LINGO1: variants seen among roughly 807,000 people sequenced by gnomAD.
LINGO1 encodes the protein leucine rich repeat and Ig domain containing 1.
In LINGO1, 11 loss-of-function variants were observed where a neutral mutation model predicts 37.3. The observed-to-expected ratio is 0.29, with a 90% CI of 0.19 to 0.49. The LOEUF is 0.49. LINGO1 is among the 20% of genes least tolerant of loss of function. The pLI, the probability that LINGO1 is intolerant of heterozygous loss-of-function variation, is 0.99. For synonymous variants in LINGO1, 387 were observed against 403.0 expected, an observed-to-expected ratio of 0.96 and a Z score of 0.48; for missense variants, 585 against 878.2, an observed-to-expected ratio of 0.67 and a Z score of 4.22.
intron 1 of LINGO1, among the ~76,000 whole-genome samples, chr15:77,626,821 G>A (rs962130846): frequency 2.0e-5 from 3 of 152,166 alleles, no homozygotes; most frequent in Non-Finnish European, 4.4e-5. Flanking sequence ...TGGGAGGCAT[G>A]CAAGCTGAGA....
At chr15:77,685,705 A>C (rs1326192778) in intron 2 of LINGO1, among the ~76,000 whole-genome samples, 2 of 149,884 alleles carry the variant, frequency 1.3e-5, no homozygotes, top group African/African-American at 2.5e-5. Flanking sequence ...AAAAAAAAAA[A>C]CGCCAGGAAT....
At chr15:77,776,255 C>T (rs1325488488) in intron 1 of LINGO1, among the ~76,000 whole-genome samples, 1 of 152,096 alleles carries the variant, frequency 6.6e-6, no homozygotes, top group East Asian at 1.9e-4. Context: ...TCATCACAAC[C>T]ACAAATGCAC....
chr15:77,798,027 A>G (rs2141457606), intron 1 of LINGO1, among the ~76,000 whole-genome samples: 1 of 152,224 alleles, frequency 6.6e-6, no homozygotes, highest in South Asian at 2.1e-4. Context: ...AATCCTGACA[A>G]CAGAGCCACA....
chr15:77,765,856 G>A (rs1376402149), intron 1 of LINGO1, among the ~76,000 whole-genome samples: 2 of 152,108 alleles, frequency 1.3e-5, no homozygotes, highest in Admixed American at 1.3e-4. Context: ...TCAGCCATGG[G>A]GCAGCCATGG....
At chr15:77,618,020 C>T (rs1292237612) in intron 1 of LINGO1, among the ~76,000 whole-genome samples, 1 of 152,198 alleles carries the variant, frequency 6.6e-6, no homozygotes, top group Non-Finnish European at 1.5e-5. Flanking sequence ...CAGTCACACA[C>T]GCTCCAGTGA....
chr15:77,615,172 C>T lies in LINGO1; in HGVS notation c.735G>A (p.Glu245=). The change falls in exon 2 of 2, where the codon GAG becomes GAA. Residue 245 remains glutamate, a synonymous_variant. Coordinates refer to ENST00000355300, the MANE Select transcript of LINGO1 (RefSeq NM_032808.7). ...FKRLYRLKVL[E]ISHWPYLDTM... The stretch of plus-strand genomic sequence containing the variant: ...TGTCCAAGTAGGGCCAGTGGGAGAT[C>T]TCCAAGACCTTGAGTCGGTACAGCC... 1.2e-6 allele frequency: 2 copies of T among 1,613,838 alleles called. No homozygotes were observed. The highest frequency in any genetic ancestry group is 2.2e-5 in the South Asian group (2 of 91,080).
intron 2 of LINGO1, among the ~76,000 whole-genome samples, chr15:77,708,248 C>T (rs1439533605): frequency 1.3e-5 from 2 of 152,160 alleles, no homozygotes; most frequent in Admixed American, 1.3e-4. Flanking sequence ...GGATGGCAAG[C>T]CCTGGGAAGG....
chr15:77,724,749 G>A (rs545028783), intron 2 of LINGO1, among the ~76,000 whole-genome samples: 3 of 152,254 alleles, frequency 2.0e-5, no homozygotes, highest in South Asian at 2.1e-4. Context: ...AAGCACCCCC[G>A]AGTCTCCCTA....
intron 3 of LINGO1, among the ~76,000 whole-genome samples, chr15:77,676,491 G>A (rs2075329789): frequency 6.6e-6 from 1 of 152,196 alleles, no homozygotes; most frequent in Admixed American, 6.5e-5. Flanking sequence ...TTTGGCACCA[G>A]GCCGAAAGCC....
chr15:77,647,988 T>C (rs1251356371), intron 3 of LINGO1: 8 of 453,120 alleles, frequency 1.8e-5, no homozygotes, highest in Non-Finnish European at 1.8e-5. Context: ...CTTGCCTCCT[T>C]CTTTCCTCCC....
intron 3 of LINGO1, among the ~76,000 whole-genome samples, chr15:77,647,599 C>G (rs1456377858): frequency 1.3e-5 from 2 of 152,180 alleles, no homozygotes; most frequent in Non-Finnish European, 2.9e-5. Context: ...AACCCAGGTT[C>G]CTGCAGGGTG....
At chr15:77,662,961 G>C (rs1053304837) in intron 3 of LINGO1, among the ~76,000 whole-genome samples, 4 of 152,208 alleles carry the variant, frequency 2.6e-5, no homozygotes, top group Non-Finnish European at 5.9e-5. Flanking sequence ...AAGGAAGCCG[G>C]TGCTTCACCA....
chr15:77,672,672 T>C (rs1389438943), intron 3 of LINGO1, among the ~76,000 whole-genome samples: 1 of 152,172 alleles, frequency 6.6e-6, no homozygotes, highest in African/African-American at 2.4e-5. Flanking sequence ...ATGAAACCTC[T>C]TGGAACCTCA....
At chr15:77,779,294 G>A (rs902546283) in intron 1 of LINGO1, among the ~76,000 whole-genome samples, 1 of 152,046 alleles carries the variant, frequency 6.6e-6, no homozygotes, top group Non-Finnish European at 1.5e-5. Flanking sequence ...CAACCTTTCT[G>A]GCACCAGGGA....
rs2076069777 is a variant in LINGO1 at position 77,723,318 on chromosome 15, A to G, written c.-195+11674T>C. Reference sequence around the variant, plus strand: ...CTATTGAATGCTGCTGTAAGCAGGCAGGCCTCCTGCTGAGCACCATGATGC... The same window carrying G: ...CTATTGAATGCTGCTGTAAGCAGGCGGGCCTCCTGCTGAGCACCATGATGC... On this transcript the variant is annotated intron_variant, in intron 2 of 3. Coordinates refer to the LINGO1 transcript ENST00000561686. 4.6e-5 allele frequency among the ~76,000 whole-genome samples: 7 copies of G among 152,328 alleles called. No individual in the cohort carries two copies. In the South Asian group the frequency reaches 1.5e-3, roughly 32 times the overall value.
chr15:77,652,481 AGAGT>A (rs1228265951), intron 3 of LINGO1, among the ~76,000 whole-genome samples: 6 of 56,364 alleles, frequency 1.1e-4, no homozygotes, highest in South Asian at 7.5e-4. Context: ...CTGGGGAGGG[AGAGT>A]GTGTGTGTGT....
chr15:77,775,046 G>C (rs1411097344), intron 1 of LINGO1, among the ~76,000 whole-genome samples: 1 of 152,234 alleles, frequency 6.6e-6, no homozygotes, highest in Non-Finnish European at 1.5e-5. Context: ...GATGCATGTT[G>C]AGGGTGGCAG....
At chr15:77,739,057 C>T (rs1233559501) in intron 1 of LINGO1, among the ~76,000 whole-genome samples, 2 of 152,240 alleles carry the variant, frequency 1.3e-5, no homozygotes, top group African/African-American at 4.8e-5. Context: ...GCCCAGCAGC[C>T]CCCACCCCAG....
At chr15:77,725,864 T>C (rs764030976) in intron 2 of LINGO1, among the ~76,000 whole-genome samples, 2 of 152,198 alleles carry the variant, frequency 1.3e-5, no homozygotes, top group Non-Finnish European at 2.9e-5. Context: ...GGCTCCAGCA[T>C]AGCACGCCCA....
Sources: allele counts gnomAD v4.1 joint callset (sites outside exome capture counted in the v4.1 genomes callset), GRCh38; gene constraint gnomAD v4.1.1; transcripts MANE v1.5; gene names NCBI Gene and HGNC (gene_info 2026-07-23, HGNC 2026-07-21).